Variants in ZMAT4 observed in about 807,000 individuals in gnomAD.
ZMAT4 encodes zinc finger matrin-type protein 4.
ZMAT4 carries 17 observed loss-of-function variants against 28.7 expected under a neutral mutation model. The ratio of observed to expected loss-of-function variants is 0.59; its 90% CI spans 0.41 to 0.89. The LOEUF (loss-of-function observed/expected upper bound fraction) is 0.89. ZMAT4 is among the 40% of genes least tolerant of loss of function. ZMAT4 has a pLI of 0.00. For synonymous variants in ZMAT4, 117 were observed against 109.2 expected (o/e 1.07, Z -0.44); for missense variants, 240 against 283.8 (o/e 0.85, Z 1.11).
intron 5 of ZMAT4, among the ~76,000 whole-genome samples, chr8:40,604,625 T>C (rs1458321410): frequency 6.6e-6 from 1 of 152,174 alleles, no homozygotes; most frequent in Admixed American, 6.5e-5. Flanking sequence ...GGTTAGCTGG[T>C]ATTTTTTTGA....
chr8:40,890,522 C>G (rs1432490686), intron 1 of ZMAT4, among the ~76,000 whole-genome samples: 1 of 152,154 alleles, frequency 6.6e-6, no homozygotes, highest in Non-Finnish European at 1.5e-5. Flanking sequence ...TCCTGCGGGC[C>G]CTCGCCATTT....
chr8:40,745,318 A>G (rs954593550), intron 3 of ZMAT4, among the ~76,000 whole-genome samples: 4 of 149,912 alleles, frequency 2.7e-5, no homozygotes, highest in African/African-American at 9.7e-5. Flanking sequence ...AAAGCACCCC[A>G]AAGTCTACAA....
intron 5 of ZMAT4, among the ~76,000 whole-genome samples, chr8:40,601,627 A>C (rs1321571217): frequency 7.0e-5 from 2 of 28,652 alleles, no homozygotes; most frequent in African/African-American, 1.9e-4. Flanking sequence ...AGAAAGAAAG[A>C]AAGAAAGAGA....
chr8:40,787,107 T>A (rs1814118194), intron 2 of ZMAT4, among the ~76,000 whole-genome samples: 1 of 152,174 alleles, frequency 6.6e-6, no homozygotes, highest in South Asian at 2.1e-4. Context: ...ATTTTAACAC[T>A]CCGTATTCAT....
chr8:40,613,977 A>T (rs778236381), intron 5 of ZMAT4, among the ~76,000 whole-genome samples: 10 of 152,208 alleles, frequency 6.6e-5, no homozygotes, highest in Middle Eastern at 3.2e-3. Flanking sequence ...GGCTGCTTTG[A>T]AGCAACTGTC....
chr8:40,743,793 G>C lies in ZMAT4; in HGVS notation c.192+23848C>G, dbSNP rs539702296. Among the ~76,000 whole-genome samples the C allele has an allele frequency of 9.9e-5, 15 of 152,100 alleles. No individual in the cohort carries two copies. The East Asian group carries it at 2.7e-3, about 28-fold the overall frequency. The stretch of plus-strand genomic sequence containing the variant: ...CACGGGGAAGGAGCGGCCGATTCTG[G>C]AGCCACAGATCATGGTGGTAATGGG... On this transcript the variant is annotated intron_variant, in intron 3 of 6. Transcript: ENST00000297737.
At chr8:40,715,416 CAT>C (rs1342074734) in intron 3 of ZMAT4, among the ~76,000 whole-genome samples, 2 of 152,096 alleles carry the variant, frequency 1.3e-5, no homozygotes, top group African/African-American at 4.8e-5. Context: ...AAGATTTGCA[CAT>C]GTGTGAAAGA....
At chr8:40,653,147 A>C (rs998820105) in intron 5 of ZMAT4, among the ~76,000 whole-genome samples, 2 of 152,130 alleles carry the variant, frequency 1.3e-5, no homozygotes, top group Non-Finnish European at 2.9e-5. Flanking sequence ...ACACACTCTT[A>C]AATAACCAAT....
At chr8:40,662,143 ATT>A (rs34725435) in intron 5 of ZMAT4, among the ~76,000 whole-genome samples, 124,534 of 151,534 alleles carry the variant, frequency 0.82, 51,417 homozygotes, top group East Asian at 0.9. Flanking sequence ...TGCTTGGCTA[ATT>A]TTTTTTTTTA....
Position 40,805,270 on chromosome 8 carries a change from A to C in ZMAT4, c.102+20305T>G, listed in dbSNP as rs1337503825. On this transcript the variant is annotated intron_variant, in intron 2 of 6. Coordinates refer to ENST00000297737, the MANE Select transcript of ZMAT4 (RefSeq NM_024645.3). Reference sequence around the variant, plus strand: ...TCTCACACCAGTTAGAATGGCAATCATTAAAAAGTCAGGAAACAACAGGTG... The same window carrying C: ...TCTCACACCAGTTAGAATGGCAATCCTTAAAAAGTCAGGAAACAACAGGTG... Among the ~76,000 whole-genome samples the C allele has an allele frequency of 2.0e-5, 3 of 149,276 alleles. 1 individual carries two copies. Among genetic ancestry groups the C allele is most frequent in the African/African-American group, 7.4e-5 (3 of 40,566 alleles).
intron 1 of ZMAT4, among the ~76,000 whole-genome samples, chr8:40,836,620 C>T (rs1245302045): frequency 6.6e-6 from 1 of 152,206 alleles, no homozygotes; most frequent in East Asian, 1.9e-4. Context: ...CAGAAGATCA[C>T]ATCTACAAGA....
chr8:40,865,248 T>G (rs543067689), intron 1 of ZMAT4, among the ~76,000 whole-genome samples: 1 of 152,266 alleles, frequency 6.6e-6, no homozygotes, highest in Non-Finnish European at 1.5e-5. Flanking sequence ...ATGTTTTGCC[T>G]TACAAAGTCC....
At chr8:40,601,188 A>G (rs981747580) in intron 5 of ZMAT4, among the ~76,000 whole-genome samples, 2 of 152,068 alleles carry the variant, frequency 1.3e-5, no homozygotes, top group African/African-American at 4.8e-5. Flanking sequence ...AAACAGGGTC[A>G]GGATTTTACA....
At chr8:40,580,004 A>G (rs1175188274) in intron 6 of ZMAT4, among the ~76,000 whole-genome samples, 1 of 127,016 alleles carries the variant, frequency 7.9e-6, no homozygotes, top group African/African-American at 2.9e-5. Context: ...GACTCAATGT[A>G]TTCATCTTTT....
At chr8:40,853,990 C>T (rs1437536581) in intron 1 of ZMAT4, among the ~76,000 whole-genome samples, 1 of 152,174 alleles carries the variant, frequency 6.6e-6, no homozygotes, top group East Asian at 1.9e-4. Context: ...GACACTTTTA[C>T]TCATGGAAGA....
intron 3 of ZMAT4, among the ~76,000 whole-genome samples, chr8:40,719,310 G>T (rs1810982059): frequency 6.6e-6 from 1 of 152,090 alleles, no homozygotes; most frequent in Admixed American, 6.6e-5. Context: ...AGGCGTGGTG[G>T]CAGGTGCCTG....
intron 2 of ZMAT4, among the ~76,000 whole-genome samples, chr8:40,770,895 C>A (rs923931835): frequency 3.3e-5 from 5 of 152,132 alleles, no homozygotes; most frequent in Non-Finnish European, 7.3e-5. Flanking sequence ...CTCCTCTCTA[C>A]CCTGTACCTA....
intron 4 of ZMAT4, among the ~76,000 whole-genome samples, chr8:40,676,080 T>C (rs528252855): frequency 3.3e-5 from 5 of 152,330 alleles, no homozygotes; most frequent in African/African-American, 1.2e-4. Context: ...CTTCCATCCT[T>C]ACAAGGACTA....
At position 40,753,383 on chromosome 8, in the gene ZMAT4, A is replaced by G. The variant is rs932637512; in HGVS notation, c.192+14258T>C. 3.9e-5 allele frequency among the ~76,000 whole-genome samples: 6 copies of G among 152,294 alleles called. No homozygotes were observed. In the South Asian group the frequency reaches 6.2e-4, roughly 16 times the overall value. ...AAAACATATATCTCTGTGCTTAGTT[A>G]ATCACTAATCAACTTCCAGACACAG... is the stretch of plus-strand genomic sequence containing the variant. On this transcript the variant is annotated intron_variant, in intron 3 of 6. Coordinates refer to ENST00000297737, the MANE Select transcript of ZMAT4 (RefSeq NM_024645.3).
Sources: gnomAD v4.1 joint callset for allele counts (sites outside exome capture counted in the v4.1 genomes callset) on GRCh38, gnomAD v4.1.1 for gene constraint, MANE v1.5 for transcripts, NCBI Gene and HGNC (gene_info 2026-07-23, HGNC 2026-07-21) for gene names.